The following CSMD3 variants were observed in gnomAD, a reference collection of about 807,000 sequenced individuals.
The protein encoded by CSMD3 is CUB and Sushi multiple domains 3, also known as CUB and sushi domain-containing protein 3.
A neutral mutation model predicts 435.2 loss-of-function variants in CSMD3; 177 were observed. That is an observed-to-expected ratio of 0.41 (90% CI 0.36 to 0.46). CSMD3 has a LOEUF of 0.46. CSMD3 is among the 20% of genes least tolerant of loss of function. CSMD3 has a pLI of 0.34. For missense variants in CSMD3, 4,265 were observed against 4,504.6 expected (o/e 0.95, Z 1.52); for synonymous variants, 1,656 against 1,520.5 (o/e 1.09, Z -2.07).
At chr8:113,135,081 G>A (rs1488118326) in intron 4 of CSMD3, among the ~76,000 whole-genome samples, 1 of 151,970 alleles carries the variant, frequency 6.6e-6, no homozygotes, top group African/African-American at 2.4e-5. Flanking sequence ...CAACATTGCT[G>A]TACTAGGAAT....
At chr8:112,549,671 T>C (rs2131182944) in intron 27 of CSMD3, among the ~76,000 whole-genome samples, 1 of 152,188 alleles carries the variant, frequency 6.6e-6, no homozygotes, top group South Asian at 2.1e-4. Context: ...GTAAAAATAA[T>C]AGTTCATTAG....
chr8:112,835,600 C>A (rs2080000883), intron 11 of CSMD3, among the ~76,000 whole-genome samples: 1 of 151,732 alleles, frequency 6.6e-6, no homozygotes, highest in East Asian at 1.9e-4. Context: ...ATCCAGTGTA[C>A]AGGCATGAGA....
At chr8:112,672,263 A>G (rs1339574267) in intron 16 of CSMD3, among the ~76,000 whole-genome samples, 1 of 152,088 alleles carries the variant, frequency 6.6e-6, no homozygotes, top group African/African-American at 2.4e-5. Context: ...CAGAGGTAGG[A>G]AGTAAAAAAC....
chr8:112,841,436 T>G (rs1406428685), intron 11 of CSMD3, among the ~76,000 whole-genome samples: 1 of 151,886 alleles, frequency 6.6e-6, no homozygotes, highest in African/African-American at 2.4e-5. Context: ...CAGAAAAGTA[T>G]TTTTGACATT....
chr8:112,700,878 G>A (rs915641039), intron 13 of CSMD3, among the ~76,000 whole-genome samples: 1 of 152,116 alleles, frequency 6.6e-6, no homozygotes, highest in African/African-American at 2.4e-5. Flanking sequence ...GAGAAGAGAT[G>A]GGAAGGAGAC....
chr8:113,086,998 C>T (rs931589798), intron 5 of CSMD3, among the ~76,000 whole-genome samples: 1 of 152,162 alleles, frequency 6.6e-6, no homozygotes, highest in African/African-American at 2.4e-5. Flanking sequence ...TTTGTTGGAA[C>T]CGCATCGCAT....
intron 4 of CSMD3, among the ~76,000 whole-genome samples, chr8:113,141,248 A>G (rs2091541104): frequency 6.6e-6 from 1 of 150,826 alleles, no homozygotes; most frequent in African/African-American, 2.4e-5. Flanking sequence ...ATTCTACCAA[A>G]CGCAGAAAAA....
chr8:113,081,322 T>C (rs947415843), intron 5 of CSMD3, among the ~76,000 whole-genome samples: 1 of 152,140 alleles, frequency 6.6e-6, no homozygotes, highest in African/African-American at 2.4e-5. Flanking sequence ...CTTCTGGTGG[T>C]AGTTGACAAA....
chr8:113,365,089 T>C (rs767792978), intron 1 of CSMD3, among the ~76,000 whole-genome samples: 19 of 152,182 alleles, frequency 1.2e-4, no homozygotes, highest in Non-Finnish European at 1.9e-4. Flanking sequence ...ACTATAACAA[T>C]GCCCAAGGCA....
At position 112,765,503 on chromosome 8, in the gene CSMD3, GAC is replaced by G. The variant is rs574043477; in HGVS notation, c.1972+34657_1972+34658del. Among the ~76,000 whole-genome samples the G allele has an allele frequency of 1.7e-3, 262 of 151,728 alleles. 1 individual carries two copies. The highest frequency in any genetic ancestry group is 2.5e-3 in the Non-Finnish European group (171 of 67,734). On this transcript the variant is annotated intron_variant, in intron 13 of 70. Coordinates refer to ENST00000297405, the MANE Select transcript of CSMD3 (RefSeq NM_198123.2). ...TGTTTCATGAACAGTGAAATAATAA[GAC>G]AGTATAATCCAGCGTGCAGGAGGTG...
intron 13 of CSMD3, among the ~76,000 whole-genome samples, chr8:112,748,159 T>A (rs2077483962): frequency 6.6e-6 from 1 of 151,420 alleles, no homozygotes; most frequent in Non-Finnish European, 1.5e-5. Flanking sequence ...TATCTAAGAG[T>A]GAGAAAGAGG....
intron 22 of CSMD3, among the ~76,000 whole-genome samples, chr8:112,599,487 A>C (rs1383377664): frequency 6.6e-6 from 1 of 151,638 alleles, no homozygotes; most frequent in East Asian, 2.0e-4. Context: ...TAGAACTAGA[A>C]ATACCATTTG....
chr8:112,501,159 T>C (rs1821911223), intron 30 of CSMD3, among the ~76,000 whole-genome samples: 1 of 151,940 alleles, frequency 6.6e-6, no homozygotes, highest in African/African-American at 2.4e-5. Context: ...TGTTTGTCCC[T>C]GTCCTTAATC....
In CSMD3 at chr8:112,976,111, C is replaced by T. The variant is rs752739355; in HGVS notation, c.1068G>A (p.Glu356=). ...TGGTAGTCCTGTTATGCTCCTCTAA[C>T]TCACCAGTGGAGGTAGTGTGGGTCA... ...STLTHTTSTG[E]LEEHNRTTTG... is the part of the protein sequence containing the mutation. Residue 356 remains glutamate, a synonymous_variant, in exon 7 of 71, where the codon GAG becomes GAA. Transcript: ENST00000297405. The T allele has an allele frequency of 6.2e-7, 1 of 1,613,898 alleles. No individual in the cohort carries two copies. Among genetic ancestry groups the T allele is most frequent in the Non-Finnish European group, 8.5e-7 (1 of 1,179,912 alleles).
At chr8:112,580,806 A>C (rs897048696) in intron 23 of CSMD3, among the ~76,000 whole-genome samples, 7 of 152,090 alleles carry the variant, frequency 4.6e-5, no homozygotes, top group African/African-American at 1.7e-4. Flanking sequence ...CAAACAGATA[A>C]TGCCCTAGGA....
chr8:112,761,986 A>G (rs2077850213), intron 13 of CSMD3, among the ~76,000 whole-genome samples: 1 of 152,000 alleles, frequency 6.6e-6, no homozygotes, highest in Non-Finnish European at 1.5e-5. Context: ...TTCACCTTTA[A>G]TATAATCTAT....
At chr8:113,102,338 CA>C (rs1366089075) in intron 4 of CSMD3, among the ~76,000 whole-genome samples, 1 of 152,042 alleles carries the variant, frequency 6.6e-6, no homozygotes, top group Non-Finnish European at 1.5e-5. Context: ...TCTTGTGAAA[CA>C]AAATTTATTC....
At chr8:113,247,463 A>T (rs1330729619) in intron 3 of CSMD3, among the ~76,000 whole-genome samples, 2 of 152,166 alleles carry the variant, frequency 1.3e-5, no homozygotes, top group African/African-American at 4.8e-5. Context: ...AAGTAGGGCA[A>T]GTTAATTCAT....
intron 13 of CSMD3, among the ~76,000 whole-genome samples, chr8:112,714,875 A>G (rs780857567): frequency 1.5e-4 from 23 of 152,188 alleles, no homozygotes; most frequent in Non-Finnish European, 1.2e-4. Context: ...TTTGAAACCA[A>G]TGAGAATAAA....
Sources: gnomAD v4.1 joint callset for allele counts (sites outside exome capture counted in the v4.1 genomes callset) on GRCh38, gnomAD v4.1.1 for gene constraint, MANE v1.5 for transcripts, NCBI Gene and HGNC (gene_info 2026-07-23, HGNC 2026-07-21) for gene names.